The following SPAG17 variants were observed in gnomAD, a reference collection of about 807,000 sequenced individuals.
The protein encoded by SPAG17 is sperm-associated antigen 17.
A neutral mutation model predicts 273.6 loss-of-function variants in SPAG17; 169 were observed. The ratio of observed to expected loss-of-function variants is 0.62; its 90% CI spans 0.55 to 0.70. The LOEUF is 0.70. Among genes scored for constraint, SPAG17 ranks in the 30% least tolerant of loss-of-function variants. The pLI is 0.00. For synonymous variants in SPAG17, 825 were observed against 873.2 expected, an observed-to-expected ratio of 0.94 and a Z score of 0.97; for missense variants, 2,557 against 2,627.8, an observed-to-expected ratio of 0.97 and a Z score of 0.59.
At chr1:118,062,163 C>T (rs183599460) in intron 18 of SPAG17, among the ~76,000 whole-genome samples, 4 of 151,832 alleles carry the variant, frequency 2.6e-5, no homozygotes, top group East Asian at 1.9e-4. Context: ...GTCAGGAGAT[C>T]GAGACCATCC....
At chr1:118,085,842 TAAATAAGGG>T in intron 13 of SPAG17, 71 bp downstream of exon 13, 1 of 1,366,260 alleles carries the variant, frequency 7.3e-7, no homozygotes. Flanking sequence ...ATACTTTTTG[TAAATAAGGG>T]TGTAATTTTA....
chr1:117,996,112 TAGG>T (rs1364472322), intron 34 of SPAG17, among the ~76,000 whole-genome samples: 7 of 152,130 alleles, frequency 4.6e-5, no homozygotes, highest in African/African-American at 1.7e-4. Context: ...AATCTGCGTA[TAGG>T]AGAAGAGGGA....
chr1:118,150,657 T>A, intron 2 of SPAG17, 28 bp from the exon 3 acceptor site: 1 of 1,272,098 alleles, frequency 7.9e-7, no homozygotes, highest in Admixed American at 2.0e-5. Flanking sequence ...TTACTTATGA[T>A]GAAAAAAGCC....
chr1:117,984,684 T>G lies in SPAG17; in HGVS notation c.5768A>C (p.Gln1923Pro). ...KSELNQLYQS[Q>P]YNHLDSLSKK... ...TTATAGTTCATTATATTCAATTACC[T>G]GAGACTGATATAACTGGTTCAATTC... Residue 1923 changes from glutamine (Q) to proline (P), a missense_variant and splice_region_variant, in exon 41 of 49, where the codon CAG becomes CCG. By Grantham distance (76) the Gln-to-Pro change is moderately conservative. Transcript: ENST00000336338. 6.3e-7 allele frequency: 1 copy of G among 1,576,218 alleles called. No homozygotes were observed. Among genetic ancestry groups the G allele is most frequent in the Non-Finnish European group, 8.7e-7 (1 of 1,147,850 alleles).
intron 3 of SPAG17, among the ~76,000 whole-genome samples, chr1:118,123,660 C>T (rs151147954): frequency 2.1e-3 from 314 of 152,242 alleles, no homozygotes; most frequent in African/African-American, 7.2e-3. Flanking sequence ...ATCCATCTCT[C>T]GACAATGTCA....
Position 118,031,837 on chromosome 1 carries a change from A to C in SPAG17, c.3464T>G (p.Leu1155Trp), listed in dbSNP as rs1413338899. Residue 1155 changes from leucine (L) to tryptophan (W), a missense_variant, in exon 25 of 49, where the codon TTG becomes TGG. Physicochemically the swap from Leu to Trp is moderately conservative, Grantham distance 61 (BLOSUM62 -2). Transcript: ENST00000336338. ...TGGAGTGAGTGCTGAAGGGATATTCAATATTGTTTCTAAATCAGGATCCTT... is the reference window on the plus strand; with the variant it reads ...TGGAGTGAGTGCTGAAGGGATATTCCATATTGTTTCTAAATCAGGATCCTT... ...EDKDPDLETILNIPSALTPTV... is the reference protein window; with the variant it reads ...EDKDPDLETIWNIPSALTPTV... 2 of 1,606,784 alleles carry C rather than the reference A, an allele frequency of 1.2e-6. No homozygotes were observed. The highest frequency in any genetic ancestry group is 1.7e-6 in the Non-Finnish European group (2 of 1,176,560).
intron 10 of SPAG17, among the ~76,000 whole-genome samples, chr1:118,090,356 T>A (rs1314836689): frequency 2.0e-5 from 3 of 152,142 alleles, no homozygotes; most frequent in Admixed American, 1.3e-4. Context: ...ATTATAATGT[T>A]AAAAAATTAG....
intron 48 of SPAG17, chr1:117,962,991 T>C (rs958524284): frequency 9.9e-5 from 15 of 152,246 alleles, no homozygotes; most frequent in Non-Finnish European, 1.9e-4. Flanking sequence ...CCTCACAATT[T>C]AAGCTCCTAA....
chr1:118,162,636 T>G (rs1016626545), intron 1 of SPAG17, among the ~76,000 whole-genome samples: 3 of 152,234 alleles, frequency 2.0e-5, no homozygotes, highest in Non-Finnish European at 4.4e-5. Context: ...ATGTATTTAC[T>G]AATAATTAAT....
intron 48 of SPAG17, 87 bp downstream of exon 48, chr1:117,963,712 A>C: frequency 7.9e-7 from 1 of 1,272,168 alleles, no homozygotes. Context: ...TAGGTTTCTG[A>C]CTATAAGAAG....
Position 117,981,282 on chromosome 1 carries a change from T to G in SPAG17, c.5992A>C (p.Lys1998Gln), listed in dbSNP as rs1464821397. The change falls in exon 43 of 49, where the codon AAA becomes CAA. Residue 1998 changes from lysine (K) to glutamine (Q), a missense_variant. Transcript: ENST00000336338. Reference sequence around the variant, plus strand: ...AAGACTGCCATACCTTCAGGAGATTTTGTTAAATTTTCAGTTTGGTTCTGA... The same window carrying G: ...AAGACTGCCATACCTTCAGGAGATTGTGTTAAATTTTCAGTTTGGTTCTGA... Reference protein sequence around the residue: ...TAQNQTENLTKSPEEAESYEP... With the variant: ...TAQNQTENLTQSPEEAESYEP... 4 of 1,568,322 alleles carry G rather than the reference T, an allele frequency of 2.6e-6. No homozygotes were observed. Among genetic ancestry groups the G allele is most frequent in the South Asian group, 2.4e-5 (2 of 82,742 alleles).
chr1:117,981,377 T>G lies in SPAG17; in HGVS notation c.5897A>C (p.Glu1966Ala). The change falls in exon 43 of 49, where the codon GAA becomes GCA. Residue 1966 changes from glutamate (E) to alanine (A), a missense_variant. Physicochemically the swap from Glu to Ala is moderately radical, Grantham distance 107. Coordinates refer to ENST00000336338, the MANE Select transcript of SPAG17 (RefSeq NM_206996.4). ...ACTAGGCACACTTGAGGATTTCTGT[T>G]CTGAAACCTTATGTGGCTTGAAATC... ...NLDFKPHKVS[E>A]QKSSSVPSLP... is the part of the protein sequence containing the mutation. The G allele has an allele frequency of 6.3e-7, 1 of 1,596,156 alleles. No homozygotes were observed. The highest frequency in any genetic ancestry group is 1.2e-5 in the South Asian group (1 of 86,712).
At chr1:117,959,438 G>T in intron 48 of SPAG17, 1 of 1,609,370 alleles carries the variant, frequency 6.2e-7, no homozygotes, top group Non-Finnish European at 8.5e-7. Context: ...TGATTCTAAC[G>T]TTGACTTAGA....
At chr1:118,091,105 G>A (rs1655342521) in intron 10 of SPAG17, among the ~76,000 whole-genome samples, 1 of 151,968 alleles carries the variant, frequency 6.6e-6, no homozygotes, top group Admixed American at 6.6e-5. Flanking sequence ...AGATACAGAG[G>A]AAATTTTAAA....
At chr1:117,954,518 T>C in intron 48 of SPAG17, 2 of 1,504,416 alleles carry the variant, frequency 1.3e-6, no homozygotes, top group Non-Finnish European at 1.8e-6. Flanking sequence ...CCACTCTGTC[T>C]ATAACAAGTG....
chr1:118,131,773 T>G (rs563494692), intron 3 of SPAG17, among the ~76,000 whole-genome samples: 315 of 152,254 alleles, frequency 2.1e-3, no homozygotes, highest in African/African-American at 7.3e-3. Flanking sequence ...CCCTGAAGGG[T>G]GCACTGTTGA....
intron 28 of SPAG17, among the ~76,000 whole-genome samples, chr1:118,019,950 G>A (rs556647743): frequency 1.6e-4 from 24 of 152,112 alleles, no homozygotes; most frequent in Non-Finnish European, 2.9e-4. Context: ...AAAGACAAAC[G>A]TTTTCAAATT....
chr1:118,099,574 G>A (rs1655925469), intron 6 of SPAG17, 32 bp downstream of exon 6: 1 of 1,587,256 alleles, frequency 6.3e-7, no homozygotes, highest in South Asian at 1.1e-5. Context: ...TAATATTGAA[G>A]GACTCAGTAA....
intron 13 of SPAG17, 88 bp downstream of exon 13, chr1:118,085,834 A>G: frequency 1.5e-6 from 2 of 1,317,434 alleles, no homozygotes; most frequent in Non-Finnish European, 2.1e-6. Context: ...TAATGAAAAT[A>G]CTTTTTGTAA....
Sources: allele counts gnomAD v4.1 joint callset (sites outside exome capture counted in the v4.1 genomes callset), GRCh38; gene constraint gnomAD v4.1.1; transcripts MANE v1.5; gene names NCBI Gene and HGNC (gene_info 2026-07-23, HGNC 2026-07-21).